Variants in NME9 observed in about 807,000 individuals in gnomAD.
The protein encoded by NME9 is NME/NM23 family member 9.
In NME9, 48 loss-of-function variants were observed where a neutral mutation model predicts 44.4. The ratio of observed to expected loss-of-function variants is 1.08; its 90% CI spans 0.86 to 1.37. NME9 has a LOEUF of 1.37. Among genes scored for constraint, NME9 ranks in the 40% most tolerant of loss-of-function variants. NME9 has a pLI of 0.00. For missense variants in NME9, 325 were observed against 405.2 expected (o/e 0.80, Z 1.70); for synonymous variants, 139 against 147.1 (o/e 0.94, Z 0.40).
Position 138,329,622 on chromosome 3 carries a change from AG to A in NME9, c.-288del. ...CCCCCTCCCCACCCCGGAGCCGGCC[AG>A]GGGGCGCGCGCAGAGGCCGGAGTCA... On this transcript the variant is annotated 5_prime_UTR_variant, in exon 1 of 11. It introduces an in-frame stop codon into an upstream open reading frame of the 5' UTR. Coordinates refer to ENST00000333911, the MANE Select transcript of NME9 (RefSeq NM_001349018.2). 3.2e-6 allele frequency: 4 copies of A among 1,235,214 alleles called. No homozygotes were observed. Among genetic ancestry groups the A allele is most frequent in the South Asian group, 2.1e-5 (1 of 47,626 alleles). The allele number at this position is 1,235,214 out of a possible 1,614,324, so 76.5% of individuals were successfully genotyped here.
In NME9 at chr3:138,308,061, C is replaced by T. The variant is rs192601461; in HGVS notation, c.461-1581G>A. On this transcript the variant is annotated intron_variant, in intron 6 of 10. Coordinates refer to ENST00000333911, the MANE Select transcript of NME9 (RefSeq NM_001349018.2). Reference sequence around the variant, plus strand: ...GAGGAAGGCTAAGGAAGGGTAAGGGCGGTATCTTAGATGGTTTTCTACGTG... The same window carrying T: ...GAGGAAGGCTAAGGAAGGGTAAGGGTGGTATCTTAGATGGTTTTCTACGTG... Among the ~76,000 whole-genome samples the T allele has an allele frequency of 2.6e-5, 4 of 152,052 alleles. No homozygotes were observed. The East Asian group carries it at 5.8e-4, about 22-fold the overall frequency.
At chr3:138,327,585 C>G (rs2053874797) in intron 1 of NME9, among the ~76,000 whole-genome samples, 1 of 152,170 alleles carries the variant, frequency 6.6e-6, no homozygotes, top group African/African-American at 2.4e-5. Flanking sequence ...CAGACTGTCC[C>G]TTGATGTCCT....
At chr3:138,277,560 A>G (rs2049420468) in intron 8 of NME9, among the ~76,000 whole-genome samples, 1 of 152,222 alleles carries the variant, frequency 6.6e-6, no homozygotes, top group Non-Finnish European at 1.5e-5. Context: ...GAAAACAACC[A>G]AACATAAAAC....
rs1010624356 is a variant in NME9 at position 138,263,964 on chromosome 3, C to G, written c.746-1378G>C. On this transcript the variant is annotated intron_variant, in intron 8 of 8. Coordinates refer to the NME9 transcript ENST00000317876. ...GAATTCATAGAGTATATAACATTGT[C>G]TAACAGAGAGCCTGGCCTCCAAACC... The G allele has an allele frequency of 1.5e-5, 15 of 969,990 alleles. No individual in the cohort carries two copies. In the Admixed American group the frequency reaches 2.2e-4, roughly 14 times the overall value. 60.1% of individuals were successfully genotyped at this position (969,990 alleles called of 1,614,324 possible). A position where few individuals can be genotyped will look rare whatever the true frequency, so the allele number is the denominator to read the frequency against.
intron 8 of NME9, chr3:138,284,575 G>A (rs781299048): frequency 3.7e-6 from 5 of 1,350,532 alleles, no homozygotes; most frequent in Non-Finnish European, 5.3e-6. Context: ...AGGGACTGTT[G>A]CATTTTTAAC....
intron 6 of NME9, among the ~76,000 whole-genome samples, chr3:138,307,524 C>T (rs2052363088): frequency 6.6e-6 from 1 of 152,220 alleles, no homozygotes; most frequent in African/African-American, 2.4e-5. Context: ...ATCTCAAAAA[C>T]ATGTACTGCA....
chr3:138,302,661 C>G (rs2108427217), intron 10 of NME9, among the ~76,000 whole-genome samples: 1 of 152,332 alleles, frequency 6.6e-6, no homozygotes, highest in East Asian at 1.9e-4. Flanking sequence ...GTGGCAAGTC[C>G]ACCTATTTTG....
intron 5 of NME9, 74 bp from the exon 6 acceptor site, chr3:138,314,481 G>T: frequency 1.1e-6 from 1 of 883,776 alleles, no homozygotes; most frequent in Non-Finnish European, 1.8e-6. Context: ...AAAACCTGTA[G>T]AAACTAAAAA....
Position 138,271,035 on chromosome 3 carries a change from G to C in NME9, c.746-8449C>G, listed in dbSNP as rs2048740225. Among the ~76,000 whole-genome samples, 3 of 152,292 alleles carry C rather than the reference G, an allele frequency of 2.0e-5. No individual in the cohort carries two copies. In the South Asian group the frequency reaches 6.2e-4, roughly 32 times the overall value. On this transcript the variant is annotated intron_variant, in intron 8 of 8. Transcript: ENST00000317876. ...GGGAGGGTAAGTGAATTGTGAAGGTGAAGGCCTCACAGTTAATAATGGAAA... is the reference window on the plus strand; with the variant it reads ...GGGAGGGTAAGTGAATTGTGAAGGTCAAGGCCTCACAGTTAATAATGGAAA...
Position 138,306,496 on chromosome 3 carries a change from G to A in NME9, c.461-16C>T, listed in dbSNP as rs2052272006. The A allele has an allele frequency of 8.3e-6, 13 of 1,566,336 alleles. No homozygotes were observed. The East Asian group carries it at 2.5e-4, about 30-fold the overall frequency. On this transcript the variant is annotated splice_polypyrimidine_tract_variant and intron_variant, in intron 6 of 10. Transcript: ENST00000333911. ...TCTGATGAAACTAAGCCAAAAAATG[G>A]TGCTGTCAGATGCTGATGTTTGAGG...
chr3:138,320,477 G>A (rs1322373022), intron 2 of NME9, among the ~76,000 whole-genome samples: 1 of 152,206 alleles, frequency 6.6e-6, no homozygotes, highest in Non-Finnish European at 1.5e-5. Context: ...GCTAATAATT[G>A]ATTAGCTCTG....
intron 8 of NME9, among the ~76,000 whole-genome samples, chr3:138,281,298 CTTT>C (rs747921351): frequency 7.0e-6 from 1 of 142,306 alleles, no homozygotes. Context: ...ATTTCTTTTT[CTTT>C]TTTTTTTTTT....
chr3:138,318,947 C>T (rs2053282566), intron 3 of NME9, among the ~76,000 whole-genome samples: 1 of 152,144 alleles, frequency 6.6e-6, no homozygotes, highest in Non-Finnish European at 1.5e-5. Context: ...CCTGTAATCC[C>T]AACACTTTGG....
chr3:138,272,829 G>GC, intron 8 of NME9: 1 of 678,444 alleles, frequency 1.5e-6, no homozygotes, highest in Non-Finnish European at 2.2e-6. Flanking sequence ...CCGTTATTGT[G>GC]CCACTGCACA....
intron 8 of NME9, among the ~76,000 whole-genome samples, chr3:138,272,005 T>G (rs1408257067): frequency 6.6e-6 from 1 of 152,186 alleles, no homozygotes; most frequent in Non-Finnish European, 1.5e-5. Flanking sequence ...AAGTTGTTAC[T>G]TGGAATTTAT....
chr3:138,296,108 T>G (rs1384470067), downstream of NME9: 2 of 489,184 alleles, frequency 4.1e-6, no homozygotes, highest in African/African-American at 2.0e-5. Flanking sequence ...TTTGTTTTGG[T>G]TTTTTTTTCT....
At chr3:138,303,427 C>T in intron 10 of NME9, 80 bp downstream of exon 10, 1 of 1,130,552 alleles carries the variant, frequency 8.8e-7, no homozygotes, top group South Asian at 1.3e-5. Context: ...AATTATCAAT[C>T]CCCCACACAC....
chr3:138,321,368 C>A (rs2053451950), intron 2 of NME9, among the ~76,000 whole-genome samples: 1 of 152,214 alleles, frequency 6.6e-6, no homozygotes, highest in South Asian at 2.1e-4. Flanking sequence ...ACTGTGTCCT[C>A]ACATGACGGA....
At chr3:138,301,814 G>A (rs2051869275) in intron 10 of NME9, 110 bp from the exon 11 acceptor site, 2 of 820,294 alleles carry the variant, frequency 2.4e-6, no homozygotes, top group African/African-American at 1.7e-5. Context: ...GAGCAGGAGG[G>A]TCAGCAAAGA....
Sources: allele counts gnomAD v4.1 joint callset (sites outside exome capture counted in the v4.1 genomes callset), GRCh38; gene constraint gnomAD v4.1.1; transcripts MANE v1.5; gene names NCBI Gene and HGNC (gene_info 2026-07-23, HGNC 2026-07-21).